The following CPEB3 variants were observed in gnomAD, a reference collection of about 807,000 sequenced individuals.
CPEB3 encodes cytoplasmic polyadenylation element binding protein 3.
A neutral mutation model predicts 67.2 loss-of-function variants in CPEB3; 20 were observed. That is an observed-to-expected ratio of 0.30 (90% CI 0.21 to 0.43). The LOEUF (loss-of-function observed/expected upper bound fraction) is 0.43. Ranked by LOEUF, CPEB3 falls within the 20% of genes least tolerant of loss-of-function variation. CPEB3 has a pLI of 1.00. For synonymous variants in CPEB3, 376 were observed against 393.1 expected, an observed-to-expected ratio of 0.96 and a Z score of 0.51; for missense variants, 746 against 968.6, an observed-to-expected ratio of 0.77 and a Z score of 3.05.
intron 4 of CPEB3, among the ~76,000 whole-genome samples, chr10:92,148,902 C>CTTTTT (rs35237832): frequency 7.6e-6 from 1 of 131,276 alleles, no homozygotes; most frequent in Non-Finnish European, 1.6e-5. Context: ...CTAATACTGG[C>CTTTTT]TTTTTTTTTT....
intron 6 of CPEB3, among the ~76,000 whole-genome samples, chr10:92,128,618 C>T (rs1264594013): frequency 6.6e-6 from 1 of 152,084 alleles, no homozygotes; most frequent in Non-Finnish European, 1.5e-5. Flanking sequence ...GGTCTAATAT[C>T]CAGCATCTGT....
intron 7 of CPEB3, among the ~76,000 whole-genome samples, chr10:92,106,345 G>A (rs1446936521): frequency 1.3e-5 from 2 of 151,356 alleles, no homozygotes; most frequent in African/African-American, 2.4e-5. Flanking sequence ...CCTTGACCAC[G>A]GCAGGTACTC....
intron 2 of CPEB3, among the ~76,000 whole-genome samples, chr10:92,199,039 A>G (rs989110568): frequency 6.6e-6 from 1 of 152,246 alleles, no homozygotes; most frequent in African/African-American, 2.4e-5. Context: ...TATTTATCAC[A>G]TGACTGCAAC....
At chr10:92,053,828 AC>A (rs1235243726) in intron 9 of CPEB3, among the ~76,000 whole-genome samples, 2 of 152,126 alleles carry the variant, frequency 1.3e-5, no homozygotes, top group Non-Finnish European at 2.9e-5. Context: ...GGCGTGAGCC[AC>A]CATGCCTGGC....
chr10:92,100,827 G>A (rs899324032), intron 7 of CPEB3, among the ~76,000 whole-genome samples: 1 of 151,974 alleles, frequency 6.6e-6, no homozygotes, highest in African/African-American at 2.4e-5. Flanking sequence ...TCCTAACCTC[G>A]TGATCCACCC....
chr10:92,056,341 G>T lies in CPEB3; in HGVS notation c.1870-3902C>A, dbSNP rs552209071. On this transcript the variant is annotated intron_variant, in intron 9 of 9. Coordinates refer to ENST00000265997, the MANE Select transcript of CPEB3 (RefSeq NM_014912.5). ...ACAGGCAGAGCAAGATGGAAGAATA[G>T]AAGTCTCCACCCATCAACCTCCACC... Among the ~76,000 whole-genome samples, 8 of 152,256 alleles carry T rather than the reference G, an allele frequency of 5.3e-5. No homozygotes were observed. The South Asian group carries it at 1.7e-3, about 32-fold the overall frequency.
chr10:92,117,791 A>G (rs1004578533), intron 6 of CPEB3, among the ~76,000 whole-genome samples: 1 of 152,024 alleles, frequency 6.6e-6, no homozygotes, highest in Admixed American at 6.6e-5. Context: ...CAACAACTCT[A>G]CTACCACAAC....
chr10:92,056,400 ACTAT>A (rs1842113199), intron 9 of CPEB3, among the ~76,000 whole-genome samples: 1 of 152,024 alleles, frequency 6.6e-6, no homozygotes, highest in African/African-American at 2.4e-5. Flanking sequence ...GAAGTTAATA[ACTAT>A]CTACACAGAA....
chr10:92,268,779 G>A (rs1001697794), intron 1 of CPEB3, among the ~76,000 whole-genome samples: 5 of 152,102 alleles, frequency 3.3e-5, no homozygotes, highest in Non-Finnish European at 7.4e-5. Context: ...AGAACAAAAC[G>A]TTACAGACAC....
At chr10:92,115,058 G>A (rs1057267917) in intron 6 of CPEB3, among the ~76,000 whole-genome samples, 2 of 152,238 alleles carry the variant, frequency 1.3e-5, no homozygotes, top group Non-Finnish European at 2.9e-5. Flanking sequence ...GGCCGCGGGC[G>A]CGGGGGACGT....
chr10:92,154,992 TGAGG>T (rs1847136942), intron 4 of CPEB3, among the ~76,000 whole-genome samples: 1 of 152,194 alleles, frequency 6.6e-6, no homozygotes, highest in Admixed American at 6.5e-5. Context: ...GCAGATGGCT[TGAGG>T]CCAGGAGTTC....
At chr10:92,278,601 C>CTTTTTTT (rs1294501874) in intron 1 of CPEB3, among the ~76,000 whole-genome samples, 1 of 129,224 alleles carries the variant, frequency 7.7e-6, no homozygotes, top group African/African-American at 2.9e-5. Flanking sequence ...TTGACTGGTT[C>CTTTTTTT]TTTTTTTTTT....
intron 2 of CPEB3, among the ~76,000 whole-genome samples, chr10:92,199,875 C>G (rs543334864): frequency 1.4e-5 from 2 of 141,388 alleles, no homozygotes; most frequent in African/African-American, 2.8e-5. Context: ...AATATACGAA[C>G]CTATTTTTCT....
intron 4 of CPEB3, among the ~76,000 whole-genome samples, chr10:92,157,937 GATA>G (rs983678439): frequency 6.6e-6 from 1 of 151,486 alleles, no homozygotes; most frequent in African/African-American, 2.4e-5. Flanking sequence ...CACACCATAT[GATA>G]ATTATTGTTT....
chr10:92,246,511 CTTTTT>C (rs755522694), intron 1 of CPEB3, among the ~76,000 whole-genome samples: 13 of 143,900 alleles, frequency 9.0e-5, no homozygotes, highest in African/African-American at 3.0e-4. Context: ...AGGATGTCAA[CTTTTT>C]TTTTTTTTTG....
chr10:92,234,327 A>T (rs1250655249), intron 2 of CPEB3, among the ~76,000 whole-genome samples: 1 of 152,220 alleles, frequency 6.6e-6, no homozygotes, highest in Non-Finnish European at 1.5e-5. Context: ...TATGTAAAGT[A>T]AAAAACAGAA....
At chr10:92,121,531 T>A (rs1018201580) in intron 6 of CPEB3, among the ~76,000 whole-genome samples, 7 of 151,652 alleles carry the variant, frequency 4.6e-5, no homozygotes, top group African/African-American at 9.7e-5. Context: ...TGACTTTTTT[T>A]AAATAAAAAT....
chr10:92,069,436 C>T (rs1487489153), intron 9 of CPEB3, among the ~76,000 whole-genome samples: 1 of 152,172 alleles, frequency 6.6e-6, no homozygotes, highest in African/African-American at 2.4e-5. Context: ...CAGGGTCTCA[C>T]TCTGTCACGC....
chr10:92,218,502 T>C (rs910832150), intron 2 of CPEB3, among the ~76,000 whole-genome samples: 4 of 152,242 alleles, frequency 2.6e-5, no homozygotes, highest in Non-Finnish European at 4.4e-5. Context: ...ACATGGCCAA[T>C]TGAAAATGTC....
Sources: allele counts gnomAD v4.1 joint callset (sites outside exome capture counted in the v4.1 genomes callset), GRCh38; gene constraint gnomAD v4.1.1; transcripts MANE v1.5; gene names NCBI Gene and HGNC (gene_info 2026-07-23, HGNC 2026-07-21).